EFHD1: variants seen among roughly 807,000 people sequenced by gnomAD.
EFHD1 encodes the protein EF-hand domain-containing protein D1.
A neutral mutation model predicts 17.2 loss-of-function variants in EFHD1; 10 were observed. The observed-to-expected ratio is 0.58, with a 90% CI of 0.36 to 0.99. The LOEUF is 0.99. Ranked by LOEUF, EFHD1 falls within the 50% of genes least tolerant of loss-of-function variation. The pLI, the probability that EFHD1 is intolerant of heterozygous loss-of-function variation, is 0.01. For synonymous variants in EFHD1, 153 were observed against 142.0 expected, an observed-to-expected ratio of 1.08 and a Z score of -0.55; for missense variants, 310 against 327.5, an observed-to-expected ratio of 0.95 and a Z score of 0.41.
chr2:232,617,610 C>T (rs1403104891), intron 1 of EFHD1, among the ~76,000 whole-genome samples: 1 of 145,808 alleles, frequency 6.9e-6, no homozygotes, highest in East Asian at 2.1e-4. Flanking sequence ...GCCGAGATCG[C>T]CCACTGCACT....
At chr2:232,667,176 A>G (rs1463186002) in intron 2 of EFHD1, among the ~76,000 whole-genome samples, 1 of 152,108 alleles carries the variant, frequency 6.6e-6, no homozygotes, top group African/African-American at 2.4e-5. Context: ...TTGTTAGGGC[A>G]GCCCAAGCAG....
chr2:232,631,707 C>A (rs71359937), upstream of EFHD1, among the ~76,000 whole-genome samples: 52,416 of 120,042 alleles, frequency 0.44, 10,908 homozygotes, highest in East Asian at 0.82. Flanking sequence ...AAAAAAAAAA[C>A]AAAAACAAAA....
At chr2:232,659,603 C>T (rs1694820507) in intron 1 of EFHD1, among the ~76,000 whole-genome samples, 1 of 152,174 alleles carries the variant, frequency 6.6e-6, no homozygotes, top group South Asian at 2.1e-4. Flanking sequence ...TAGGTGCCCA[C>T]AGGCTACATT....
intron 1 of EFHD1, among the ~76,000 whole-genome samples, chr2:232,607,562 C>G (rs1693741397): frequency 6.6e-6 from 1 of 151,206 alleles, no homozygotes; most frequent in Admixed American, 6.6e-5. Flanking sequence ...CCACTGTACT[C>G]CACCCTGGGT....
chr2:232,631,599 C>T (rs2106191634), upstream of EFHD1, among the ~76,000 whole-genome samples: 1 of 151,420 alleles, frequency 6.6e-6, no homozygotes, highest in South Asian at 2.1e-4. Flanking sequence ...GTGTGAGCCA[C>T]CGCGCCCAGC....
chr2:232,647,676 G>A lies in EFHD1; in HGVS notation c.302+13670G>A, dbSNP rs569708186. ...TTTGAGACGGAGTTTTGCTCTTGTCGCCCAGGCTGGAGTGCAATGGCATGA... is the reference window on the plus strand; with the variant it reads ...TTTGAGACGGAGTTTTGCTCTTGTCACCCAGGCTGGAGTGCAATGGCATGA... On this transcript the variant is annotated intron_variant, in intron 1 of 3. Coordinates refer to ENST00000264059, the MANE Select transcript of EFHD1 (RefSeq NM_025202.4). 3.6e-3 allele frequency among the ~76,000 whole-genome samples: 493 copies of A among 136,548 alleles called. 2 individuals carry two copies. Among genetic ancestry groups the A allele is most frequent in the Non-Finnish European group, 6.3e-3 (405 of 64,374 alleles). The allele number at this position is 136,548 out of a possible 152,430, so 89.6% of individuals were successfully genotyped here. A position where few individuals can be genotyped will look rare whatever the true frequency, so the allele number is the denominator to read the frequency against.
chr2:232,646,778 C>T (rs1460744110), intron 1 of EFHD1, among the ~76,000 whole-genome samples: 1 of 152,218 alleles, frequency 6.6e-6, no homozygotes, highest in Non-Finnish European at 1.5e-5. Flanking sequence ...TGCTCCCCCA[C>T]CTTCCAGAGT....
chr2:232,631,871 T>G (rs1349071358), upstream of EFHD1, among the ~76,000 whole-genome samples: 1 of 151,462 alleles, frequency 6.6e-6, no homozygotes, highest in Admixed American at 6.6e-5. Context: ...GGTGCAGTGG[T>G]GGGCGCCTGT....
In EFHD1 at chr2:232,607,880, G is replaced by A. The variant is rs140886320; in HGVS notation, c.14+1707G>A. On this transcript the variant is annotated intron_variant, in intron 1 of 3. Coordinates refer to the EFHD1 transcript ENST00000409613. ...AGGCCAAGTCGGGAGGACAGCTTGA[G>A]TCCAGGAGTTCTAGACCAGCCTGGG... 7.2e-3 allele frequency among the ~76,000 whole-genome samples: 1,067 copies of A among 148,958 alleles called. 39 individuals are homozygous for A. The highest frequency in any genetic ancestry group is 0.06 in the Admixed American group (899 of 14,968).
At chr2:232,674,555 A>G (rs898542044) in intron 3 of EFHD1, among the ~76,000 whole-genome samples, 3 of 152,196 alleles carry the variant, frequency 2.0e-5, no homozygotes, top group African/African-American at 2.4e-5. Flanking sequence ...TAACTGGAGA[A>G]AAGATGAAAA....
At chr2:232,631,705 A>C (rs1293939108), upstream of EFHD1, among the ~76,000 whole-genome samples, 2 of 139,620 alleles carry the variant, frequency 1.4e-5, no homozygotes, top group African/African-American at 6.1e-5. Flanking sequence ...AAAAAAAAAA[A>C]ACAAAAACAA....
At chr2:232,632,590 T>A (rs982947923), upstream of EFHD1, among the ~76,000 whole-genome samples, 1 of 152,182 alleles carries the variant, frequency 6.6e-6, no homozygotes, top group Non-Finnish European at 1.5e-5. Flanking sequence ...TTCTTTTCCT[T>A]CTTTCCTTTC....
intron 1 of EFHD1, among the ~76,000 whole-genome samples, chr2:232,642,831 GTGCATGT>G (rs1694457683): frequency 6.6e-6 from 1 of 152,090 alleles, no homozygotes; most frequent in African/African-American, 2.4e-5. Context: ...AGCTGGTTGG[GTGCATGT>G]TCTTACACAA....
intron 1 of EFHD1, among the ~76,000 whole-genome samples, chr2:232,650,695 A>G (rs532760232): frequency 3.1e-4 from 46 of 149,914 alleles, no homozygotes; most frequent in African/African-American, 1.1e-3. Context: ...CAGCCTCCCA[A>G]GTAGCTGGGA....
chr2:232,679,515 C>G (rs117657274), intron 3 of EFHD1, among the ~76,000 whole-genome samples: 4,900 of 151,348 alleles, frequency 0.032, 182 homozygotes, highest in East Asian at 0.21. Context: ...AGGAGTTTGA[C>G]ACCAGCCTGG....
upstream of EFHD1, among the ~76,000 whole-genome samples, chr2:232,632,166 C>G (rs559762443): frequency 6.6e-6 from 1 of 152,128 alleles, no homozygotes; most frequent in Non-Finnish European, 1.5e-5. Context: ...TGTAGCGCCC[C>G]GTGATCTATT....
At chr2:232,663,133 G>C (rs1343145303) in intron 2 of EFHD1, among the ~76,000 whole-genome samples, 184 bp downstream of exon 2, 1 of 152,170 alleles carries the variant, frequency 6.6e-6, no homozygotes, top group African/African-American at 2.4e-5. Context: ...CCTGGAAAAA[G>C]CAGCATGGGT....
chr2:232,627,424 T>C (rs1694127595), intron 1 of EFHD1, among the ~76,000 whole-genome samples: 3 of 152,182 alleles, frequency 2.0e-5, no homozygotes, highest in Admixed American at 6.5e-5. Context: ...AGTTTCCACA[T>C]TGCAACTAAA....
intron 1 of EFHD1, among the ~76,000 whole-genome samples, chr2:232,625,586 C>T (rs988644312): frequency 1.3e-5 from 2 of 152,100 alleles, no homozygotes; most frequent in Non-Finnish European, 2.9e-5. Context: ...GAATGTCCAC[C>T]AACAGGGACA....
Sources: gnomAD v4.1 joint callset for allele counts (sites outside exome capture counted in the v4.1 genomes callset) on GRCh38, gnomAD v4.1.1 for gene constraint, MANE v1.5 for transcripts, NCBI Gene and HGNC (gene_info 2026-07-23, HGNC 2026-07-21) for gene names.